Variants in RALGPS1 observed in about 807,000 individuals in gnomAD.
RALGPS1 encodes the protein ras-specific guanine nucleotide-releasing factor RalGPS1.
Under a neutral mutation model 78.8 loss-of-function variants are expected in RALGPS1, and 19 were observed. The observed-to-expected ratio is 0.24, with a 90% confidence interval of 0.17 to 0.35. The LOEUF (loss-of-function observed/expected upper bound fraction) is 0.35, where lower values mean the gene tolerates loss of function less well. Among genes scored for constraint, RALGPS1 ranks in the 10% least tolerant of loss-of-function variants. The pLI, the probability that RALGPS1 is intolerant of heterozygous loss-of-function variation, is 1.00. For synonymous variants in RALGPS1, 228 were observed against 256.3 expected, an observed-to-expected ratio of 0.89 and a Z score of 1.06; for missense variants, 454 against 688.3, an observed-to-expected ratio of 0.66 and a Z score of 3.81.
In RALGPS1 at chr9:127,091,781, C is replaced by T. The variant is rs375604833; in HGVS notation, c.610+22425C>T. The T allele has an allele frequency of 6.8e-6, 11 of 1,614,060 alleles. No individual in the cohort carries two copies. The highest frequency in any genetic ancestry group is 6.7e-5 in the African/African-American group (5 of 74,930). ...CGCCCCAGCCGCAGCTTATAATACTCGCTCTCAGGTTCCAGGCGGAAACTG... is the reference window on the plus strand; with the variant it reads ...CGCCCCAGCCGCAGCTTATAATACTTGCTCTCAGGTTCCAGGCGGAAACTG... On this transcript the variant is annotated intron_variant, in intron 8 of 18. Transcript: ENST00000259351. This position sits in a 1 kb window ranked among gnomAD's most constrained non-coding sequence, Gnocchi z 4.3.
intron 1 of RALGPS1, among the ~76,000 whole-genome samples, chr9:126,915,736 C>T (rs566145111): frequency 6.9e-6 from 1 of 143,986 alleles, no homozygotes; most frequent in African/African-American, 2.6e-5. Context: ...TTTCGCACCT[C>T]AGGGGCTTTC....
In RALGPS1 at chr9:127,212,125, C is replaced by T. The variant is rs757020423; in HGVS notation, c.1248-6C>T. On this transcript the variant is annotated splice_region_variant and splice_polypyrimidine_tract_variant and intron_variant, in intron 14 of 18. Coordinates refer to ENST00000259351, the MANE Select transcript of RALGPS1 (RefSeq NM_014636.3). The surrounding 1 kb of genome is among the most constrained non-coding windows in gnomAD (Gnocchi z 6.0). The stretch of plus-strand genomic sequence containing the variant: ...GGGCGATGTCTGACTGGTAGTCTCT[C>T]CTCAGCCCCACCGGCCCGTGCATCT... The T allele has an allele frequency of 5.6e-6, 9 of 1,609,458 alleles. No homozygotes were observed. The highest frequency in any genetic ancestry group is 5.1e-6 in the Non-Finnish European group (6 of 1,177,816).
intron 8 of RALGPS1, chr9:127,108,207 C>T: frequency 6.2e-7 from 1 of 1,614,122 alleles, no homozygotes; most frequent in Non-Finnish European, 8.5e-7. Context: ...GGTCCTTGTA[C>T]TTGCTGGCCA....
At chr9:127,200,283 C>T (rs968554003) in intron 14 of RALGPS1, among the ~76,000 whole-genome samples, 6 of 152,262 alleles carry the variant, frequency 3.9e-5, no homozygotes, top group African/African-American at 1.4e-4. Flanking sequence ...GCCTGCTGGT[C>T]AGTGCTCTTG....
chr9:126,926,254 G>C (rs977659055), intron 1 of RALGPS1, among the ~76,000 whole-genome samples: 1 of 152,144 alleles, frequency 6.6e-6, no homozygotes, highest in African/African-American at 2.4e-5. Flanking sequence ...CATGTAATAG[G>C]GCTTGACACT....
chr9:127,201,916 G>A (rs903430916), intron 14 of RALGPS1, among the ~76,000 whole-genome samples: 10 of 152,228 alleles, frequency 6.6e-5, no homozygotes, highest in South Asian at 4.1e-4. Context: ...CGCACCGCTC[G>A]AGCAGACAGA....
chr9:127,003,796 G>C (rs935845537), intron 4 of RALGPS1, among the ~76,000 whole-genome samples: 1 of 151,976 alleles, frequency 6.6e-6, no homozygotes, highest in Non-Finnish European at 1.5e-5. Flanking sequence ...ATGGTGGTTT[G>C]CTGCACCTAT....
At chr9:127,180,897 C>T (rs756299380) in intron 11 of RALGPS1, among the ~76,000 whole-genome samples, 2 of 152,216 alleles carry the variant, frequency 1.3e-5, no homozygotes, top group African/African-American at 4.8e-5. Context: ...GAGCTACAAG[C>T]GGGGGGCGCA....
intron 1 of RALGPS1, among the ~76,000 whole-genome samples, chr9:126,944,958 C>G (rs919214910): frequency 1.3e-5 from 2 of 152,104 alleles, no homozygotes; most frequent in African/African-American, 2.4e-5. Context: ...ATTTGTCAAG[C>G]CTATAGAGTG....
chr9:127,001,815 C>T (rs1194016449), intron 4 of RALGPS1, among the ~76,000 whole-genome samples: 2 of 152,014 alleles, frequency 1.3e-5, no homozygotes, highest in African/African-American at 4.8e-5. Context: ...ACCTGGGAGG[C>T]GGAGGTTGCA....
chr9:127,152,240 C>A (rs558872806), intron 8 of RALGPS1, among the ~76,000 whole-genome samples: 2 of 152,308 alleles, frequency 1.3e-5, no homozygotes, highest in African/African-American at 4.8e-5. Flanking sequence ...CCCTCTACTT[C>A]TCCTACATGC....
intron 8 of RALGPS1, among the ~76,000 whole-genome samples, chr9:127,156,254 T>C (rs2058702985): frequency 6.6e-6 from 1 of 152,228 alleles, no homozygotes; most frequent in South Asian, 2.1e-4. Flanking sequence ...CATTTCTTAT[T>C]AATGTTTGTA....
At chr9:126,922,027 C>T (rs922574283) in intron 1 of RALGPS1, among the ~76,000 whole-genome samples, 1 of 152,186 alleles carries the variant, frequency 6.6e-6, no homozygotes, top group Admixed American at 6.5e-5. Context: ...AGGCAGAACT[C>T]TTCCTGCGCT....
In RALGPS1 at chr9:127,199,256, G is replaced by A. The variant is rs371810537; in HGVS notation, c.1247+190G>A. ...ATGGAAGAGCAGGATGGTTGCTGGG[G>A]CCCCAGCCCCCATGCTCTGAGCAGC... On this transcript the variant is annotated intron_variant, in intron 14 of 18. Transcript: ENST00000259351. 4.8e-3 allele frequency among the ~76,000 whole-genome samples: 731 copies of A among 152,240 alleles called. 4 individuals carry two copies. The highest frequency in any genetic ancestry group is 8.2e-3 in the Non-Finnish European group (556 of 67,982).
intron 8 of RALGPS1, chr9:127,093,866 A>G: frequency 6.2e-7 from 1 of 1,614,006 alleles, no homozygotes; most frequent in Non-Finnish European, 8.5e-7. Context: ...CGGCTTCACC[A>G]GGTAGATGGA....
intron 8 of RALGPS1, among the ~76,000 whole-genome samples, chr9:127,145,956 G>C (rs749091258): frequency 2.0e-5 from 3 of 152,144 alleles, no homozygotes; most frequent in Admixed American, 6.5e-5. Flanking sequence ...TTTGTTTACT[G>C]TCTGGCAGCT....
chr9:127,003,673 TTTTC>T (rs764181088), intron 4 of RALGPS1, among the ~76,000 whole-genome samples: 13 of 152,194 alleles, frequency 8.5e-5, no homozygotes, highest in East Asian at 7.7e-4. Context: ...TGCCAAACTG[TTTTC>T]TTTCTTTCTT....
intron 14 of RALGPS1, among the ~76,000 whole-genome samples, chr9:127,208,357 C>T (rs1446353752): frequency 6.6e-6 from 1 of 152,206 alleles, no homozygotes; most frequent in Non-Finnish European, 1.5e-5. Flanking sequence ...ACAGTGGGTC[C>T]AGTCCCAATG....
At chr9:127,093,733 C>T (rs778867885) in intron 8 of RALGPS1, 3 of 1,614,038 alleles carry the variant, frequency 1.9e-6, no homozygotes, top group Non-Finnish European at 2.5e-6. Flanking sequence ...CGAGTCTCAC[C>T]TTGTACGTCT....
Sources: gnomAD v4.1 joint callset for allele counts (sites outside exome capture counted in the v4.1 genomes callset) on GRCh38, gnomAD v4.1.1 for gene constraint, Gnocchi (gnomAD v3.1) non-coding constraint, MANE v1.5 for transcripts, NCBI Gene and HGNC (gene_info 2026-07-23, HGNC 2026-07-21) for gene names.